Variants in ZNF385B observed in about 807,000 individuals in gnomAD.
The protein encoded by ZNF385B is zinc finger protein 385B.
A neutral mutation model predicts 39.2 loss-of-function variants in ZNF385B; 23 were observed. The ratio of observed to expected loss-of-function variants is 0.59; its 90% CI spans 0.42 to 0.83. The LOEUF (loss-of-function observed/expected upper bound fraction) is 0.83. Ranked by LOEUF, ZNF385B falls within the 40% of genes least tolerant of loss-of-function variation. The probability of loss-of-function intolerance (pLI) is 0.00; values close to 1 mark genes in which losing one functional copy is unlikely to be tolerated. For synonymous variants in ZNF385B, 205 were observed against 222.6 expected (o/e 0.92, Z 0.70); for missense variants, 552 against 598.9 (o/e 0.92, Z 0.82).
At chr2:179,783,956 G>A (rs187595116) in intron 1 of ZNF385B, among the ~76,000 whole-genome samples, 281 of 152,268 alleles carry the variant, frequency 1.8e-3, no homozygotes, top group African/African-American at 6.5e-3. Context: ...ATTTGACCCA[G>A]CAATCCCATT....
chr2:179,513,846 C>G (rs1057478199), intron 5 of ZNF385B, among the ~76,000 whole-genome samples: 1 of 152,136 alleles, frequency 6.6e-6, no homozygotes, highest in Admixed American at 6.5e-5. Context: ...TGTGAGGCAA[C>G]ATAATATAAT....
chr2:179,779,523 G>A (rs906633565), intron 1 of ZNF385B, among the ~76,000 whole-genome samples: 3 of 152,192 alleles, frequency 2.0e-5, no homozygotes, highest in African/African-American at 7.2e-5. Context: ...AATCACAACT[G>A]GATTCAAAAA....
At chr2:179,806,409 T>A (rs1706352451) in intron 1 of ZNF385B, among the ~76,000 whole-genome samples, 1 of 152,142 alleles carries the variant, frequency 6.6e-6, no homozygotes, top group Non-Finnish European at 1.5e-5. Context: ...ATCTTTTGAA[T>A]AAGAAGAGGG....
At chr2:179,727,858 C>T (rs1045144870) in intron 3 of ZNF385B, among the ~76,000 whole-genome samples, 2 of 152,018 alleles carry the variant, frequency 1.3e-5, no homozygotes, top group African/African-American at 4.8e-5. Flanking sequence ...CCCAGACTAG[C>T]TTGGAGGCAG....
At chr2:179,537,287 A>C (rs1479386867) in intron 4 of ZNF385B, among the ~76,000 whole-genome samples, 1 of 145,810 alleles carries the variant, frequency 6.9e-6, no homozygotes, top group African/African-American at 2.5e-5. Flanking sequence ...GGGCAACATG[A>C]GCAAAACCTC....
At chr2:179,447,477 T>C (rs1480805296) in intron 6 of ZNF385B, among the ~76,000 whole-genome samples, 1 of 152,206 alleles carries the variant, frequency 6.6e-6, no homozygotes, top group Non-Finnish European at 1.5e-5. Context: ...ATGTAGCTAT[T>C]AAATGCTTAT....
chr2:179,599,371 C>CA (rs1160220640), intron 3 of ZNF385B, among the ~76,000 whole-genome samples: 4 of 152,082 alleles, frequency 2.6e-5, no homozygotes, highest in Non-Finnish European at 5.9e-5. Context: ...GCAATGGAAA[C>CA]AAAGTGATAA....
intron 3 of ZNF385B, among the ~76,000 whole-genome samples, chr2:179,721,517 A>G (rs1210684473): frequency 6.6e-6 from 1 of 152,272 alleles, no homozygotes; most frequent in East Asian, 1.9e-4. Flanking sequence ...TCAGCAAAAT[A>G]CAAGAAATTA....
intron 3 of ZNF385B, among the ~76,000 whole-genome samples, chr2:179,640,758 C>T (rs1188387295): frequency 6.6e-6 from 1 of 152,106 alleles, no homozygotes; most frequent in African/African-American, 2.4e-5. Flanking sequence ...TTTGGTATTA[C>T]ACTTGGTTAA....
intron 4 of ZNF385B, among the ~76,000 whole-genome samples, chr2:179,538,234 A>G (rs1228591393): frequency 6.6e-6 from 1 of 152,190 alleles, no homozygotes; most frequent in Non-Finnish European, 1.5e-5. Flanking sequence ...AAAGGGCAAA[A>G]ATTAACATTT....
At chr2:179,760,142 ATAGTG>A (rs1703282191) in intron 3 of ZNF385B, among the ~76,000 whole-genome samples, 1 of 151,860 alleles carries the variant, frequency 6.6e-6, no homozygotes, top group Non-Finnish European at 1.5e-5. Flanking sequence ...CTATAGAATA[ATAGTG>A]TAATCAGGAT....
chr2:179,653,959 T>C (rs1270896313), intron 3 of ZNF385B, among the ~76,000 whole-genome samples: 2 of 152,128 alleles, frequency 1.3e-5, no homozygotes, highest in Non-Finnish European at 2.9e-5. Context: ...AGATGCACAA[T>C]GGTAAGGAGA....
intron 1 of ZNF385B, among the ~76,000 whole-genome samples, chr2:179,857,669 G>T (rs1011777153): frequency 2.6e-5 from 4 of 152,156 alleles, no homozygotes; most frequent in African/African-American, 9.7e-5. Flanking sequence ...AGGGTAGGGA[G>T]GGGGAGCTAG....
chr2:179,518,626 G>A lies in ZNF385B; in HGVS notation c.454C>T (p.Gln152Ter). ...FPNFNTMDPV[Q>*]KAVINHTFGV... Reference sequence around the variant, plus strand: ...AATGTATGGTTAATAACCGCTTTTTGCACAGGATCCATCTGAAGAACAAAT... The same window carrying A: ...AATGTATGGTTAATAACCGCTTTTTACACAGGATCCATCTGAAGAACAAAT... Residue 152 changes from glutamine to a stop codon, truncating the protein, a stop_gained, in exon 5 of 10, where the codon CAA becomes TAA. Transcript: ENST00000410066. LOFTEE classifies it high-confidence loss of function. 6.3e-7 allele frequency: 1 copy of A among 1,593,846 alleles called. No individual in the cohort carries two copies. The highest frequency in any genetic ancestry group is 8.5e-7 in the Non-Finnish European group (1 of 1,172,462).
At chr2:179,562,462 T>C (rs1171310976) in intron 3 of ZNF385B, 3 of 985,300 alleles carry the variant, frequency 3.0e-6, no homozygotes, top group East Asian at 2.3e-4. Context: ...AGATGTTACA[T>C]TTAAAAGTAA....
intron 4 of ZNF385B, 70 bp downstream of exon 4, chr2:179,544,757 A>G: frequency 6.3e-7 from 1 of 1,581,818 alleles, no homozygotes; most frequent in Non-Finnish European, 8.7e-7. Flanking sequence ...GGCTGTATCT[A>G]TTGACTATTC....
At chr2:179,662,293 G>A (rs574261119) in intron 3 of ZNF385B, among the ~76,000 whole-genome samples, 1 of 152,084 alleles carries the variant, frequency 6.6e-6, no homozygotes, top group African/African-American at 2.4e-5. Context: ...AAAAAGATAA[G>A]TGGCTGGTGT....
chr2:179,538,994 AATGTGCAGG>A, intron 4 of ZNF385B, among the ~76,000 whole-genome samples: 1 of 152,370 alleles, frequency 6.6e-6, no homozygotes, highest in East Asian at 1.9e-4. Context: ...GCATGTACAC[AATGTGCAGG>A]TGCTAAAAAT....
At chr2:179,661,617 T>A (rs1694484386) in intron 3 of ZNF385B, among the ~76,000 whole-genome samples, 1 of 152,246 alleles carries the variant, frequency 6.6e-6, no homozygotes, top group African/African-American at 2.4e-5. Context: ...TCTACCTTAT[T>A]AGGTTACCCT....
Sources: allele counts gnomAD v4.1 joint callset (sites outside exome capture counted in the v4.1 genomes callset), GRCh38; gene constraint gnomAD v4.1.1; transcripts MANE v1.5; gene names NCBI Gene and HGNC (gene_info 2026-07-23, HGNC 2026-07-21).